MOV10L1: variants seen among roughly 807,000 people sequenced by gnomAD.
The protein encoded by MOV10L1 is Mov10 like RNA helicase 1.
In MOV10L1, 110 loss-of-function variants were observed where a neutral mutation model predicts 143.8. That is an observed-to-expected ratio of 0.76 (90% CI 0.66 to 0.90). The LOEUF (loss-of-function observed/expected upper bound fraction) is 0.90. Among genes scored for constraint, MOV10L1 ranks in the 40% least tolerant of loss-of-function variants. The pLI, the probability that MOV10L1 is intolerant of heterozygous loss-of-function variation, is 0.00. For missense variants in MOV10L1, 1,406 were observed against 1,526.8 expected, an observed-to-expected ratio of 0.92 and a Z score of 1.32; for synonymous variants, 593 against 581.1, an observed-to-expected ratio of 1.02 and a Z score of -0.29.
Position 50,134,021 on chromosome 22 carries a change from G to A in MOV10L1, c.1925G>A (p.Arg642Gln), listed in dbSNP as rs200913565. Residue 642 changes from arginine to glutamine, a missense_variant, in exon 14 of 27, where the codon CGG (arginine) becomes CAG (glutamine). Arg to Gln is a conservative substitution (Grantham distance 43). Around this residue, in one of 3 missense-constraint regions of MOV10L1, gnomAD observed 1,233 missense variants for 1,351.4 expected, o/e 0.91. Transcript: ENST00000262794. ...CTTTCCTGCAGGACCACAAGCAGACGGTGTCACTTTGCACTTGAACACGTC... is the reference window on the plus strand; with the variant it reads ...CTTTCCTGCAGGACCACAAGCAGACAGTGTCACTTTGCACTTGAACACGTC... ...EFTYNRTTSR[R>Q]CHFALEHVIH... 1.2e-5 allele frequency: 19 copies of A among 1,611,476 alleles called. No individual in the cohort carries two copies. Among genetic ancestry groups the A allele is most frequent in the East Asian group, 8.9e-5 (4 of 44,808 alleles).
chr22:50,125,250 C>G (rs1048518423), intron 10 of MOV10L1, 142 bp from the exon 11 acceptor site: 1 of 740,588 alleles, frequency 1.4e-6, no homozygotes, highest in Non-Finnish European at 2.2e-6. Flanking sequence ...TACTGAGGCA[C>G]CTGCAGACTC....
intron 3 of MOV10L1, among the ~76,000 whole-genome samples, chr22:50,101,805 C>T (rs1386073003): frequency 6.6e-6 from 1 of 152,106 alleles, no homozygotes; most frequent in Admixed American, 6.6e-5. Flanking sequence ...AACCACTGTG[C>T]CCAGCCTTGA....
chr22:50,124,837 C>G (rs2062449117), intron 10 of MOV10L1, among the ~76,000 whole-genome samples: 1 of 152,226 alleles, frequency 6.6e-6, no homozygotes, highest in African/African-American at 2.4e-5. Flanking sequence ...GTGCTGGGGC[C>G]TAGGAGCTCT....
chr22:50,123,633 T>A (rs2062415115), intron 10 of MOV10L1, among the ~76,000 whole-genome samples: 1 of 152,260 alleles, frequency 6.6e-6, no homozygotes, highest in African/African-American at 2.4e-5. Context: ...GAAGTGTCTC[T>A]GTCTGGCTTT....
rs1981820205 is a variant in MOV10L1 at position 50,159,795 on chromosome 22, C to T, written c.3324+10C>T. ...CATCATCATTTCGACCGTAGGTATC[C>T]CTGTTCTCCGTGGGGATGGACAGTC... On this transcript the variant is annotated intron_variant, in intron 24 of 26. Coordinates refer to ENST00000262794, the MANE Select transcript of MOV10L1 (RefSeq NM_018995.3). The surrounding 1 kb of genome is among the most constrained non-coding windows in gnomAD (Gnocchi z 4.1). 1 of 1,581,246 alleles carries T rather than the reference C, an allele frequency of 6.3e-7. No individual in the cohort carries two copies. The highest frequency in any genetic ancestry group is 8.7e-7 in the Non-Finnish European group (1 of 1,151,770).
intron 13 of MOV10L1, among the ~76,000 whole-genome samples, chr22:50,133,225 G>A (rs531608219): frequency 7.2e-5 from 11 of 152,214 alleles, no homozygotes; most frequent in South Asian, 2.1e-4. Context: ...TTAGTACAGC[G>A]TGGGTGGTAG....
At chr22:50,128,541 T>TTA in intron 13 of MOV10L1, 34 bp downstream of exon 13, 7 of 81,666 alleles carry the variant, frequency 8.6e-5, no homozygotes, top group Non-Finnish European at 1.4e-4. Context: ...TTCAAATGTC[T>TTA]TTTTTTTTTT....
rs2063008265 is a variant in MOV10L1 at position 50,142,192 on chromosome 22, A to G, written c.2179+3A>G. 1 of 1,606,214 alleles carries G rather than the reference A, an allele frequency of 6.2e-7. No homozygotes were observed. The highest frequency in any genetic ancestry group is 8.5e-7 in the Non-Finnish European group (1 of 1,176,700). ...TACTGCAGAGATGAGCGATTGGGGT[A>G]TGTGCTCATGAGGGGCAAGGAGAAG... On this transcript the variant is annotated splice_donor_region_variant and intron_variant, in intron 16 of 26. Coordinates refer to ENST00000262794, the MANE Select transcript of MOV10L1 (RefSeq NM_018995.3).
intron 9 of MOV10L1, among the ~76,000 whole-genome samples, chr22:50,118,420 G>T (rs2062242725): frequency 6.6e-6 from 1 of 152,216 alleles, no homozygotes; most frequent in African/African-American, 2.4e-5. Context: ...AAGCAGTCAT[G>T]ATCCCTGGGC....
intron 19 of MOV10L1, 110 bp from the exon 20 acceptor site, chr22:50,149,505 C>A: frequency 9.4e-7 from 1 of 1,058,336 alleles, no homozygotes; most frequent in Non-Finnish European, 1.4e-6. Flanking sequence ...CACCCCTGGG[C>A]AACCCTGCTG....
chr22:50,106,407 C>T (rs936310239), intron 3 of MOV10L1, among the ~76,000 whole-genome samples: 1 of 136,202 alleles, frequency 7.3e-6, no homozygotes, highest in Admixed American at 8.2e-5. Flanking sequence ...CTCAAGTGAT[C>T]TTCCCACCTC....
chr22:50,144,132 CTG>C lies in MOV10L1; in HGVS notation c.2397_2398del (p.Pro801LeufsTer6). On this transcript the variant is annotated frameshift_variant, in exon 18 of 27. Transcript: ENST00000262794. LOFTEE classifies it high-confidence loss of function. ...FALPDSRILVCAPSNSAADLV... is the reference protein window; with the variant it reads ...FALPDSRILVXAPSNSAADLV... ...CCTTGCCGGACAGTCGGATTTTAGT[CTG>C]TGCGCCCTCCAACAGTGCTGCTGAC... 1.9e-6 allele frequency: 3 copies of C among 1,612,532 alleles called. No individual in the cohort carries two copies. The highest frequency in any genetic ancestry group is 2.5e-6 in the Non-Finnish European group (3 of 1,178,586).
chr22:50,106,827 G>T lies in MOV10L1; in HGVS notation c.443-1309G>T, dbSNP rs530517477. On this transcript the variant is annotated intron_variant, in intron 3 of 26. Transcript: ENST00000262794. ...TGCCATTCTCCTGCCTCAGCCTCCC[G>T]AGTAGCTGGGACCACAGGCGCCTGC... Among the ~76,000 whole-genome samples the T allele has an allele frequency of 5.4e-5, 8 of 149,240 alleles. No individual in the cohort carries two copies. The East Asian group carries it at 1.2e-3, about 23-fold the overall frequency.
At position 50,114,514 on chromosome 22, in the gene MOV10L1, AAGG is replaced by A. The variant is rs746513734; in HGVS notation, c.1021_1023del (p.Glu341del). On this transcript the variant is annotated inframe_deletion, in exon 7 of 27. Coordinates refer to ENST00000262794, the MANE Select transcript of MOV10L1 (RefSeq NM_018995.3). ...GGTATCTTTTGTTTCTGTTCCTGAG[AAGG>A]AGAATTCATCAGATGAAAATATTAA... 32 of 1,614,104 alleles carry A rather than the reference AAGG, an allele frequency of 2.0e-5. No individual in the cohort carries two copies. The highest frequency in any genetic ancestry group is 6.7e-5 in the East Asian group (3 of 44,896).
chr22:50,096,404 TG>T (rs781543915), intron 2 of MOV10L1: 10 of 152,346 alleles, frequency 6.6e-5, no homozygotes, highest in Non-Finnish European at 1.0e-4. Flanking sequence ...GATGGACACT[TG>T]GGTTGTTTCT....
intron 19 of MOV10L1, among the ~76,000 whole-genome samples, chr22:50,148,408 A>G (rs1246765426): frequency 1.3e-5 from 2 of 152,206 alleles, no homozygotes; most frequent in African/African-American, 4.8e-5. Context: ...CTCTCCGCTC[A>G]GTCCCACAGC....
chr22:50,153,203 C>T lies in MOV10L1; in HGVS notation c.3051C>T (p.Ile1017=). ...EKLPKKGFPL[I]FHGVRGSEAR... is the part of the protein sequence containing the mutation. The stretch of plus-strand genomic sequence containing the variant: ...TGCCTAAGAAAGGCTTCCCTCTCAT[C>T]TTCCATGGTGTGCGGGTGAGTTGTG... The change falls in exon 22 of 27, where the codon ATC becomes ATT. Residue 1017 remains isoleucine, a synonymous_variant. Coordinates refer to ENST00000262794, the MANE Select transcript of MOV10L1 (RefSeq NM_018995.3). 6.2e-7 allele frequency: 1 copy of T among 1,613,778 alleles called. No individual in the cohort carries two copies. Among genetic ancestry groups the T allele is most frequent in the Non-Finnish European group, 8.5e-7 (1 of 1,179,710 alleles).
rs775711839 is a variant in MOV10L1, at chr22:50,130,883, A to T, written c.1910+2376A>T. Among the ~76,000 whole-genome samples, 126 of 152,130 alleles carry T rather than the reference A, an allele frequency of 8.3e-4. 2 individuals are homozygous for T. The highest frequency in any genetic ancestry group is 1.5e-4 in the Non-Finnish European group (10 of 68,030). On this transcript the variant is annotated intron_variant, in intron 13 of 26. Coordinates refer to ENST00000262794, the MANE Select transcript of MOV10L1 (RefSeq NM_018995.3). ...ATTTGTATTTTTCTAATGACTAATG[A>T]TGCTGAACATCTTTTCTTTTTTCTT...
In MOV10L1 at chr22:50,159,613, A is replaced by AT; in HGVS notation, c.3217-65_3217-64insT. 3.5e-6 allele frequency: 4 copies of AT among 1,133,408 alleles called. No individual in the cohort carries two copies. The highest frequency in any genetic ancestry group is 5.1e-6 in the Non-Finnish European group (4 of 783,442). 70.2% of individuals were successfully genotyped at this position (1,133,408 alleles called of 1,614,324 possible). ...TAATACTCCATCTCAAAAAAAAAAA[A>AT]GGAAAAGAAAAGAAATGGATTTGTA... is the stretch of plus-strand genomic sequence containing the variant. On this transcript the variant is annotated intron_variant, in intron 23 of 26. Coordinates refer to ENST00000262794, the MANE Select transcript of MOV10L1 (RefSeq NM_018995.3). The surrounding 1 kb of genome is among the most constrained non-coding windows in gnomAD (Gnocchi z 4.1).
Sources: allele counts gnomAD v4.1 joint callset (sites outside exome capture counted in the v4.1 genomes callset), GRCh38; gene constraint gnomAD v4.1.1; regional missense constraint gnomAD v4.1.1; non-coding constraint Gnocchi (gnomAD v3.1); transcripts MANE v1.5; gene names NCBI Gene and HGNC (gene_info 2026-07-23, HGNC 2026-07-21).